AGBL4: variants seen among roughly 807,000 people sequenced by gnomAD.
The protein encoded by AGBL4 is AGBL carboxypeptidase 4, also known as cytosolic carboxypeptidase 6.
Under a neutral mutation model 66.4 loss-of-function variants are expected in AGBL4, and 58 were observed. The ratio of observed to expected loss-of-function variants is 0.87; its 90% CI spans 0.71 to 1.09. AGBL4 has a LOEUF of 1.09. AGBL4 is among the 50% of genes least tolerant of loss of function. The pLI, the probability that AGBL4 is intolerant of heterozygous loss-of-function variation, is 0.00. For synonymous variants in AGBL4, 234 were observed against 222.9 expected (o/e 1.05, Z -0.44); for missense variants, 579 against 631.0 (o/e 0.92, Z 0.88).
intron 3 of AGBL4, among the ~76,000 whole-genome samples, chr1:49,313,085 T>C (rs1410500088): frequency 6.6e-6 from 1 of 152,050 alleles, no homozygotes; most frequent in Non-Finnish European, 1.5e-5. Flanking sequence ...CCATGTGTTC[T>C]CATTGTTCAA....
chr1:49,128,532 G>C (rs1374786255), intron 4 of AGBL4, among the ~76,000 whole-genome samples: 1 of 151,952 alleles, frequency 6.6e-6, no homozygotes, highest in African/African-American at 2.4e-5. Context: ...ACAGAGTCGA[G>C]CTCAGAAATA....
chr1:49,934,878 C>T (rs1235559790), intron 1 of AGBL4, among the ~76,000 whole-genome samples: 2 of 151,922 alleles, frequency 1.3e-5, no homozygotes, highest in Non-Finnish European at 2.9e-5. Context: ...AGGAACAGCT[C>T]CGATCTACAG....
intron 2 of AGBL4, among the ~76,000 whole-genome samples, chr1:49,825,716 T>C (rs1645491484): frequency 6.6e-6 from 1 of 152,176 alleles, no homozygotes; most frequent in African/African-American, 2.4e-5. Context: ...TAACAGGAAA[T>C]TCTGCCAGCA....
intron 2 of AGBL4, among the ~76,000 whole-genome samples, chr1:49,698,402 A>G (rs1647026781): frequency 6.6e-6 from 1 of 152,156 alleles, no homozygotes; most frequent in Non-Finnish European, 1.5e-5. Context: ...GAGCATTTCT[A>G]CAGGCCACAT....
intron 3 of AGBL4, among the ~76,000 whole-genome samples, chr1:49,295,145 C>G (rs1295920154): frequency 6.6e-6 from 1 of 152,204 alleles, no homozygotes; most frequent in Non-Finnish European, 1.5e-5. Flanking sequence ...TCCACCTACC[C>G]AAATCCTATT....
At chr1:48,704,258 C>T (rs1646847204) in intron 6 of AGBL4, among the ~76,000 whole-genome samples, 2 of 152,172 alleles carry the variant, frequency 1.3e-5, no homozygotes, top group South Asian at 2.1e-4. Context: ...CAGTATAAAA[C>T]AGAGCTTGAA....
At position 49,936,808 on chromosome 1, in the gene AGBL4, A is replaced by C. The variant is rs9436885; in HGVS notation, c.35-85290T>G. Among the ~76,000 whole-genome samples, 514 of 152,250 alleles carry C rather than the reference A, an allele frequency of 3.4e-3. 2 individuals carry two copies. The highest frequency in any genetic ancestry group is 0.012 in the African/African-American group (481 of 41,550). On this transcript the variant is annotated intron_variant, in intron 1 of 13. Coordinates refer to ENST00000371839, the MANE Select transcript of AGBL4 (RefSeq NM_032785.4). ...AAATGCTGAGAGATTTTGTCACCAC[A>C]AGGCCTGCCATAAAAGAGCTCCTGA...
intron 1 of AGBL4, among the ~76,000 whole-genome samples, chr1:49,880,330 T>TG (rs1357777381): frequency 2.0e-5 from 3 of 151,924 alleles, no homozygotes; most frequent in Non-Finnish European, 4.4e-5. Context: ...GATGTACAGA[T>TG]GGGTTTTCAG....
intron 2 of AGBL4, among the ~76,000 whole-genome samples, chr1:49,833,230 G>T (rs1645747537): frequency 1.3e-5 from 2 of 152,154 alleles, no homozygotes; most frequent in South Asian, 4.1e-4. Context: ...AGTTTTCCAA[G>T]CACCATTTAT....
chr1:49,914,426 A>C (rs1224056583), intron 1 of AGBL4, among the ~76,000 whole-genome samples: 1 of 152,122 alleles, frequency 6.6e-6, no homozygotes, highest in Non-Finnish European at 1.5e-5. Context: ...CCTTTTCCTT[A>C]CTTCTGTCTG....
chr1:49,768,273 T>G (rs761283756), intron 2 of AGBL4, among the ~76,000 whole-genome samples: 2 of 151,852 alleles, frequency 1.3e-5, no homozygotes, highest in Non-Finnish European at 2.9e-5. Context: ...ACAAAAATCC[T>G]CAAAAAAAAA....
chr1:49,259,140 A>T (rs1652850839), intron 3 of AGBL4, among the ~76,000 whole-genome samples: 1 of 152,200 alleles, frequency 6.6e-6, no homozygotes, highest in Non-Finnish European at 1.5e-5. Context: ...CTGCCCTAAA[A>T]GAGCTCCTGA....
chr1:48,766,533 C>A (rs1644540252), intron 6 of AGBL4, among the ~76,000 whole-genome samples: 1 of 152,218 alleles, frequency 6.6e-6, no homozygotes, highest in African/African-American at 2.4e-5. Flanking sequence ...CCAGGCACAA[C>A]AGAAACAAGT....
intron 2 of AGBL4, among the ~76,000 whole-genome samples, chr1:49,830,024 C>T (rs933778695): frequency 7.2e-5 from 11 of 152,128 alleles, no homozygotes; most frequent in African/African-American, 2.7e-4. Flanking sequence ...CATTAGTGGG[C>T]ATTTGGGTTA....
chr1:48,718,316 C>G (rs1236798621), intron 6 of AGBL4, among the ~76,000 whole-genome samples: 2 of 152,236 alleles, frequency 1.3e-5, no homozygotes, highest in African/African-American at 4.8e-5. Context: ...AGGGCAGCAA[C>G]AGGCTGGGCT....
chr1:49,492,846 T>C (rs1376452785), intron 3 of AGBL4, among the ~76,000 whole-genome samples: 1 of 151,978 alleles, frequency 6.6e-6, no homozygotes, highest in African/African-American at 2.4e-5. Context: ...GTTCTCATGC[T>C]GCTAATAAAG....
chr1:49,078,155 G>C (rs537517050), intron 4 of AGBL4, among the ~76,000 whole-genome samples: 1 of 152,102 alleles, frequency 6.6e-6, no homozygotes, highest in Non-Finnish European at 1.5e-5. Flanking sequence ...ACTAAGGAAA[G>C]AGCTAAATCC....
intron 1 of AGBL4, among the ~76,000 whole-genome samples, chr1:50,016,218 A>C (rs1327796180): frequency 1.3e-5 from 2 of 152,234 alleles, no homozygotes; most frequent in Admixed American, 6.5e-5. Context: ...AAACTTTTGC[A>C]AACTATGCAT....
chr1:49,730,663 T>C (rs1292244111), intron 2 of AGBL4, among the ~76,000 whole-genome samples: 2 of 152,104 alleles, frequency 1.3e-5, no homozygotes, highest in African/African-American at 2.4e-5. Context: ...AGTTGCAGCA[T>C]GCTTGATCCA....
Sources: gnomAD v4.1 joint callset for allele counts (sites outside exome capture counted in the v4.1 genomes callset) on GRCh38, gnomAD v4.1.1 for gene constraint, MANE v1.5 for transcripts, NCBI Gene and HGNC (gene_info 2026-07-23, HGNC 2026-07-21) for gene names.